The following SOCS7 variants were observed in gnomAD, a reference collection of about 807,000 sequenced individuals.
The protein encoded by SOCS7 is suppressor of cytokine signaling 7, also known as NAP-4.
Under a neutral mutation model 58.9 loss-of-function variants are expected in SOCS7, and 18 were observed. The observed-to-expected ratio is 0.31, with a 90% CI of 0.21 to 0.45. The LOEUF (loss-of-function observed/expected upper bound fraction) is 0.45. Ranked by LOEUF, SOCS7 falls within the 20% of genes least tolerant of loss-of-function variation. The pLI is 1.00. For missense variants in SOCS7, 667 were observed against 837.3 expected (o/e 0.80, Z 2.51); for synonymous variants, 388 against 364.3 (o/e 1.06, Z -0.74).
intron 6 of SOCS7, among the ~76,000 whole-genome samples, chr17:38,374,425 G>A (rs537159366): frequency 8.7e-4 from 132 of 151,228 alleles, no homozygotes; most frequent in Admixed American, 4.4e-3. Flanking sequence ...GTAGTCCCAG[G>A]TACTCGGGAG....
chr17:38,352,119 C>A lies in SOCS7; in HGVS notation c.67C>A (p.Arg23Ser). ...GGCCGCTTCGTACCGCGTCCTGAGC[C>A]GCCTCCTTGGCTATGGAGAGGCGGC... ...AAAASYRVLS[R>S]LLGYGEAAPE... The change falls in exon 1 of 10, where the codon CGC (arginine) becomes AGC (serine). Residue 23 changes from arginine to serine, a missense_variant. Physicochemically the swap from Arg to Ser is moderately radical, Grantham distance 110. Transcript: ENST00000612932. This position sits in a 1 kb window ranked among gnomAD's most constrained non-coding sequence, Gnocchi z 5.5. The A allele has an allele frequency of 1.1e-6, 1 of 911,184 alleles. No homozygotes were observed. Among genetic ancestry groups the A allele is most frequent in the Non-Finnish European group, 1.4e-6 (1 of 701,434 alleles). 56.4% of individuals were successfully genotyped at this position (911,184 alleles called of 1,614,324 possible).
chr17:38,375,822 A>G (rs1317441578), intron 6 of SOCS7: 3 of 145,202 alleles, frequency 2.1e-5, no homozygotes, highest in Admixed American at 7.0e-5. Flanking sequence ...AACAAAACCA[A>G]TTTTTTTTTT....
chr17:38,398,241 C>CTT (rs990311481), intron 9 of SOCS7, among the ~76,000 whole-genome samples: 48 of 129,374 alleles, frequency 3.7e-4, no homozygotes, highest in Admixed American at 1.5e-3. Flanking sequence ...AGGGAAAGGT[C>CTT]TTTTTTTTTT....
intron 6 of SOCS7, 140 bp from the exon 7 acceptor site, chr17:38,377,574 G>A (rs746654496): frequency 4.9e-6 from 3 of 612,404 alleles, no homozygotes; most frequent in Non-Finnish European, 8.1e-6. Context: ...GCAGGAACAG[G>A]TAGCTTCAGA....
rs752484188 is a variant in SOCS7, at chr17:38,365,450, T to C, written c.1252+41T>C. On this transcript the variant is annotated intron_variant, in intron 4 of 9. Transcript: ENST00000612932. ...AGGCAAGACTTGTAAGAGTTGGGAG[T>C]ACAAAGTGATACTTTCTACCATAGA... is the stretch of plus-strand genomic sequence containing the variant. The C allele has an allele frequency of 2.4e-6, 3 of 1,261,766 alleles. No individual in the cohort carries two copies. The African/African-American group carries it at 4.5e-5, about 19-fold the overall frequency. 78.2% of individuals were successfully genotyped at this position (1,261,766 alleles called of 1,614,324 possible).
At chr17:38,371,634 C>T (rs562608286) in intron 6 of SOCS7, among the ~76,000 whole-genome samples, 22 of 150,266 alleles carry the variant, frequency 1.5e-4, no homozygotes, top group East Asian at 1.2e-3. Flanking sequence ...CCGGCCGGGA[C>T]GGGTATTTTT....
intron 7 of SOCS7, among the ~76,000 whole-genome samples, chr17:38,381,616 A>C (rs993630421): frequency 1.3e-5 from 2 of 152,014 alleles, no homozygotes; most frequent in African/African-American, 4.8e-5. Context: ...CCAGGATGAG[A>C]TCTCAGGTTT....
In SOCS7 at chr17:38,385,643, C is replaced by A. The variant is rs149158255; in HGVS notation, c.1681+7801C>A. 3.7e-3 allele frequency among the ~76,000 whole-genome samples: 568 copies of A among 152,132 alleles called. 5 individuals are homozygous for A. The highest frequency in any genetic ancestry group is 0.013 in the African/African-American group (542 of 41,464). ...CATTTTTCCATGAATGCTTTTATCA[C>A]CCCAGTGTATATCCCTGAACACTAT... On this transcript the variant is annotated intron_variant, in intron 7 of 9. Transcript: ENST00000612932.
chr17:38,365,469 C>T, intron 4 of SOCS7, 60 bp downstream of exon 4: 1 of 1,086,276 alleles, frequency 9.2e-7, no homozygotes. Flanking sequence ...ATACTTTCTA[C>T]CATAGAAGGA....
chr17:38,396,208 G>A lies in SOCS7; in HGVS notation c.*30+210G>A, dbSNP rs370631916. Among the ~76,000 whole-genome samples, 10 of 152,360 alleles carry A rather than the reference G, an allele frequency of 6.6e-5. No homozygotes were observed. In the East Asian group the frequency reaches 1.5e-3, roughly 23 times the overall value. ...GCAGACAGACGAGAAAGACAAGAAA[G>A]TAGATTGCCAGGAAACGTGCAAGCT... On this transcript the variant is annotated intron_variant, in intron 9 of 9. Coordinates refer to ENST00000612932, the MANE Select transcript of SOCS7 (RefSeq NM_014598.4).
intron 1 of SOCS7, 139 bp from the exon 2 acceptor site, chr17:38,361,572 C>G (rs2037719422): frequency 1.4e-6 from 1 of 725,842 alleles, no homozygotes; most frequent in South Asian, 1.5e-5. Flanking sequence ...TTATTTTATG[C>G]TGTATTACAA....
intron 7 of SOCS7, among the ~76,000 whole-genome samples, chr17:38,387,133 G>GTGTATGTATATATA (rs1269515665): frequency 2.7e-4 from 20 of 73,480 alleles, no homozygotes; most frequent in Non-Finnish European, 3.6e-4. Context: ...ATATATGTAT[G>GTGTATGTATATATA]TATATATATA....
intron 1 of SOCS7, among the ~76,000 whole-genome samples, chr17:38,360,414 G>T (rs9916191): frequency 0.034 from 5,176 of 151,800 alleles, 279 homozygotes; most frequent in African/African-American, 0.12. Flanking sequence ...GCTGGTCTCG[G>T]GCTCCTGACC....
chr17:38,384,891 CT>C (rs71138614), intron 7 of SOCS7, among the ~76,000 whole-genome samples: 8,982 of 76,710 alleles, frequency 0.12, 330 homozygotes, highest in African/African-American at 0.21. Context: ...GCACCCAGCT[CT>C]TTTTTTTTTT....
At chr17:38,367,454 A>G (rs1555568544) in intron 5 of SOCS7, among the ~76,000 whole-genome samples, 1 of 151,682 alleles carries the variant, frequency 6.6e-6, no homozygotes, top group African/African-American at 2.4e-5. Context: ...GCTCACTGCA[A>G]CCTCCACCTC....
Position 38,402,568 on chromosome 17 carries a change from TA to T in SOCS7, c.*3090del, listed in dbSNP as rs1440122315. On this transcript the variant is annotated 3_prime_UTR_variant, in exon 10 of 10. Coordinates refer to ENST00000612932, the MANE Select transcript of SOCS7 (RefSeq NM_014598.4). The stretch of plus-strand genomic sequence containing the variant: ...CCAAACAGTGAAACCCTATCTCTAC[TA>T]AAATACAAAAATTAGCTGGGCATGG... 6.6e-6 allele frequency: 1 copy of T among 152,100 alleles called. No individual in the cohort carries two copies. Among genetic ancestry groups the T allele is most frequent in the Non-Finnish European group, 1.5e-5 (1 of 68,046 alleles). 9.4% of individuals were successfully genotyped at this position (152,100 alleles called of 1,614,324 possible).
intron 6 of SOCS7, among the ~76,000 whole-genome samples, chr17:38,370,913 T>C (rs1257283845): frequency 6.6e-6 from 1 of 151,986 alleles, no homozygotes; most frequent in Non-Finnish European, 1.5e-5. Flanking sequence ...CCTCCCAAAG[T>C]GTTGGGATTA....
chr17:38,399,120 T>C (rs371953649), intron 9 of SOCS7, among the ~76,000 whole-genome samples: 126 of 150,246 alleles, frequency 8.4e-4, no homozygotes, highest in South Asian at 1.7e-3. Flanking sequence ...GAAAGAAATA[T>C]AGAGCTCTTT....
chr17:38,359,921 G>T (rs2037693551), intron 1 of SOCS7, among the ~76,000 whole-genome samples: 1 of 151,752 alleles, frequency 6.6e-6, no homozygotes, highest in Admixed American at 6.6e-5. Context: ...GGGACTAGAG[G>T]TGTGCACCAC....
Sources: gnomAD v4.1 joint callset for allele counts (sites outside exome capture counted in the v4.1 genomes callset) on GRCh38, gnomAD v4.1.1 for gene constraint, Gnocchi (gnomAD v3.1) non-coding constraint, MANE v1.5 for transcripts, NCBI Gene and HGNC (gene_info 2026-07-23, HGNC 2026-07-21) for gene names.